Variants in CAMSAP3 observed in about 807,000 individuals in gnomAD.
CAMSAP3 encodes the protein calmodulin regulated spectrin associated protein family member 3, also known as calmodulin-regulated spectrin-associated protein 3.
Under a neutral mutation model 112.5 loss-of-function variants are expected in CAMSAP3, and 34 were observed. The observed-to-expected ratio is 0.30, with a 90% CI of 0.23 to 0.40. The LOEUF (loss-of-function observed/expected upper bound fraction) is 0.40. CAMSAP3 is among the 10% of genes least tolerant of loss of function. CAMSAP3 has a pLI of 1.00. For synonymous variants in CAMSAP3, 868 were observed against 799.8 expected (o/e 1.09, Z -1.44); for missense variants, 1,602 against 1,770.3 (o/e 0.90, Z 1.71).
intron 11 of CAMSAP3, chr19:7,614,933 G>A: frequency 3.4e-6 from 2 of 584,868 alleles, no homozygotes; most frequent in Admixed American, 3.0e-5. Context: ...ACTCACTGCT[G>A]TCTGCTGCTT....
At chr19:7,616,684 G>C in intron 14 of CAMSAP3, 62 bp downstream of exon 14, 2 of 1,230,186 alleles carry the variant, frequency 1.6e-6, no homozygotes, top group Non-Finnish European at 2.4e-6. Flanking sequence ...CCTGGGAGGT[G>C]TGTGGGCATC....
At chr19:7,613,260 G>T in intron 11 of CAMSAP3, 97 bp downstream of exon 11, 1 of 211,362 alleles carries the variant, frequency 4.7e-6, no homozygotes, top group Non-Finnish European at 6.6e-6. Context: ...GATGAATAGG[G>T]CTTTACTGAA....
intron 13 of CAMSAP3, among the ~76,000 whole-genome samples, chr19:7,616,222 T>C (rs1599364695): frequency 6.7e-6 from 1 of 149,784 alleles, no homozygotes; most frequent in East Asian, 2.0e-4. Flanking sequence ...AAGACTTCCA[T>C]AGGGATGTGG....
At position 7,609,023 on chromosome 19, in the gene CAMSAP3, T is replaced by TA. The variant is rs964073039; in HGVS notation, c.760+769dup. On this transcript the variant is annotated intron_variant, in intron 5 of 16. Transcript: ENST00000160298. ...AAAAAAACTCTTTTTTCTTTTTTATTAAAAAAAAAATTATAGGGCTGGGTG... is the reference window on the plus strand; with the variant it reads ...AAAAAAACTCTTTTTTCTTTTTTATTAAAAAAAAAAATTATAGGGCTGGGTG... Among the ~76,000 whole-genome samples, 121 of 149,506 alleles carry TA rather than the reference T, an allele frequency of 8.1e-4. No individual in the cohort carries two copies. In the East Asian group the frequency reaches 9.9e-3, roughly 12 times the overall value.
Position 7,618,118 on chromosome 19 carries a change from C to G in CAMSAP3, c.*61C>G. ...GCTGCGGCCGCCATCCCCTGGAGGA[C>G]AGTCAGTCGGTATTCCTGGGTCCTG... On this transcript the variant is annotated 3_prime_UTR_variant, in exon 17 of 17. Transcript: ENST00000160298. 6 of 1,545,386 alleles carry G rather than the reference C, an allele frequency of 3.9e-6. No homozygotes were observed. The highest frequency in any genetic ancestry group is 3.5e-6 in the Non-Finnish European group (4 of 1,141,646).
Position 7,617,902 on chromosome 19 carries a change from G to A in CAMSAP3, c.3595G>A (p.Glu1199Lys). Residue 1199 changes from glutamate (E) to lysine (K), a missense_variant, in exon 17 of 17, where the codon GAA becomes AAA. This residue lies in a region of CAMSAP3 where 150 missense variants were observed against 207.6 expected (regional missense o/e 0.72). Transcript: ENST00000160298. This position sits in a 1 kb window ranked among gnomAD's most constrained non-coding sequence, Gnocchi z 7.5. ...GPRTVTPAMV[E>K]GIYKYNSDRK... The stretch of plus-strand genomic sequence containing the variant: ...CCGGACCGTCACGCCCGCCATGGTG[G>A]AAGGCATCTACAAGTACAACTCGGA... 6.2e-7 allele frequency: 1 copy of A among 1,614,048 alleles called. No individual in the cohort carries two copies.
intron 1 of CAMSAP3, among the ~76,000 whole-genome samples, chr19:7,601,730 AAT>A (rs1210830282): frequency 6.7e-6 from 1 of 149,906 alleles, no homozygotes; most frequent in Non-Finnish European, 1.5e-5. Flanking sequence ...AATAAAATAA[AAT>A]AAAATAAAAT....
At chr19:7,614,259 CAAAAAAAA>C (rs1173068955) in intron 11 of CAMSAP3, among the ~76,000 whole-genome samples, 3 of 18,772 alleles carry the variant, frequency 1.6e-4, no homozygotes, top group African/African-American at 7.8e-4. Context: ...GACTCCATCT[CAAAAAAAA>C]AAAAAAAAAA....
chr19:7,615,443 C>T lies in CAMSAP3; in HGVS notation c.2836C>T (p.Pro946Ser). ...GCTGGCCCAAGAGGAGGCCCCGGGC[C>T]CAGCCCCGCTTGTGTCCGCAGTCCC... is the stretch of plus-strand genomic sequence containing the variant. ...ARLAQEEAPG[P>S]APLVSAVPMA... The change falls in exon 13 of 17, where the codon CCA becomes TCA. Residue 946 changes from proline to serine, a missense_variant. Pro to Ser is a moderately conservative substitution (Grantham distance 74). Transcript: ENST00000160298. The surrounding 1 kb of genome is among the most constrained non-coding windows in gnomAD (Gnocchi z 6.5). The T allele has an allele frequency of 6.5e-7, 1 of 1,540,978 alleles. No individual in the cohort carries two copies. Among genetic ancestry groups the T allele is most frequent in the Non-Finnish European group, 8.7e-7 (1 of 1,146,150 alleles).
At position 7,615,168 on chromosome 19, in the gene CAMSAP3, G is replaced by A. The variant is rs769936125; in HGVS notation, c.2671-15G>A. On this transcript the variant is annotated splice_polypyrimidine_tract_variant and intron_variant, in intron 11 of 16. Coordinates refer to ENST00000160298, the MANE Select transcript of CAMSAP3 (RefSeq NM_020902.2). This position sits in a 1 kb window ranked among gnomAD's most constrained non-coding sequence, Gnocchi z 6.5. ...GGGGAGGGGGTGGCTGGCTGGACTC[G>A]GCGTCTGTCCCCAGGATGAAGACAA... 171 of 1,553,704 alleles carry A rather than the reference G, an allele frequency of 1.1e-4. No individual in the cohort carries two copies. Among genetic ancestry groups the A allele is most frequent in the Non-Finnish European group, 1.4e-4 (159 of 1,148,990 alleles).
In CAMSAP3 at chr19:7,612,819, C is replaced by G; in HGVS notation, c.2326C>G (p.Gln776Glu). The G allele has an allele frequency of 6.4e-7, 1 of 1,557,706 alleles. No individual in the cohort carries two copies. The highest frequency in any genetic ancestry group is 8.6e-7 in the Non-Finnish European group (1 of 1,156,132). ...TRRSPGPGPS[Q>E]SPRSPKHTRP... Reference sequence around the variant, plus strand: ...GCGCAGCCCTGGGCCCGGGCCCAGCCAGTCACCCCGCAGCCCGAAACACAC... The same window carrying G: ...GCGCAGCCCTGGGCCCGGGCCCAGCGAGTCACCCCGCAGCCCGAAACACAC... Residue 776 changes from glutamine to glutamate, a missense_variant, in exon 11 of 17, where the codon CAG (glutamine) becomes GAG (glutamate). Coordinates refer to ENST00000160298, the MANE Select transcript of CAMSAP3 (RefSeq NM_020902.2).
Position 7,611,696 on chromosome 19 carries a change from C to T in CAMSAP3, c.1203C>T (p.Leu401=), listed in dbSNP as rs756403823. ...CCCTCCGGCCGCCCAGCCGTCCCCT[C>T]TCCCAGGCTGTGTCATTCAGCACCC... ...KAWNRQLSRP[L]SQAVSFSTPF... Residue 401 remains leucine, a synonymous_variant, in exon 11 of 17, where the codon CTC becomes CTT. Transcript: ENST00000160298. The surrounding 1 kb of genome is among the most constrained non-coding windows in gnomAD (Gnocchi z 6.9). 2.6e-6 allele frequency: 4 copies of T among 1,562,380 alleles called. No homozygotes were observed. The highest frequency in any genetic ancestry group is 1.2e-5 in the South Asian group (1 of 84,776).
intron 11 of CAMSAP3, among the ~76,000 whole-genome samples, chr19:7,613,764 C>T (rs1216675341): frequency 3.3e-5 from 5 of 152,054 alleles, no homozygotes; most frequent in Non-Finnish European, 2.9e-5. Flanking sequence ...CTCTCCTTCA[C>T]CCCCTCGCCC....
intron 2 of CAMSAP3, 151 bp downstream of exon 2, chr19:7,605,630 G>A (rs761224944): frequency 2.3e-4 from 215 of 934,390 alleles, no homozygotes; most frequent in Non-Finnish European, 2.8e-4. Flanking sequence ...CTCCCATCAG[G>A]CTTGGCTCCT....
chr19:7,604,813 A>G (rs2030123020), intron 1 of CAMSAP3, among the ~76,000 whole-genome samples: 1 of 152,104 alleles, frequency 6.6e-6, no homozygotes, highest in Admixed American at 6.5e-5. Flanking sequence ...CCTAGCGTTG[A>G]TGTAAGGCTC....
At position 7,605,353 on chromosome 19, in the gene CAMSAP3, G is replaced by A; in HGVS notation, c.276G>A (p.Leu92=). Residue 92 remains leucine (L), a synonymous_variant, in exon 2 of 17, where the codon CTG becomes CTA. Transcript: ENST00000160298. ...ELYCRAWRQA[L]PQLETPPNPS... ...ACTGCAGAGCCTGGCGCCAGGCACT[G>A]CCACAGCTTGAAACACCCCCCAACC... 6.2e-7 allele frequency: 1 copy of A among 1,606,530 alleles called. No homozygotes were observed. Among genetic ancestry groups the A allele is most frequent in the Non-Finnish European group, 8.5e-7 (1 of 1,175,946 alleles).
intron 1 of CAMSAP3, among the ~76,000 whole-genome samples, chr19:7,601,376 G>T (rs1418636768): frequency 6.6e-6 from 1 of 151,938 alleles, no homozygotes; most frequent in African/African-American, 2.4e-5. Flanking sequence ...TGGAGTGCCG[G>T]GGCACAATCT....
At chr19:7,599,569 TCCATCCATCCATCCATCCAC>T (rs796075397) in intron 1 of CAMSAP3, among the ~76,000 whole-genome samples, 2 of 88,246 alleles carry the variant, frequency 2.3e-5, no homozygotes, top group African/African-American at 4.7e-5. Flanking sequence ...CATCCATCCA[TCCATCCATCCATCCATCCAC>T]CCACCCACCT....
chr19:7,606,470 C>A lies in CAMSAP3; in HGVS notation c.526-6C>A. ...CCAGACCACTGACCCCCTCCCTGCC[C>A]TCCAGACCGTCCGGCGGCTGCAGGA... On this transcript the variant is annotated splice_polypyrimidine_tract_variant and splice_region_variant and intron_variant, in intron 3 of 16. Transcript: ENST00000160298. The A allele has an allele frequency of 6.2e-7, 1 of 1,602,006 alleles. No individual in the cohort carries two copies. The highest frequency in any genetic ancestry group is 8.5e-7 in the Non-Finnish European group (1 of 1,178,200).
Sources: allele counts gnomAD v4.1 joint callset (sites outside exome capture counted in the v4.1 genomes callset), GRCh38; gene constraint gnomAD v4.1.1; regional missense constraint gnomAD v4.1.1; non-coding constraint Gnocchi (gnomAD v3.1); transcripts MANE v1.5; gene names NCBI Gene and HGNC (gene_info 2026-07-23, HGNC 2026-07-21).